Variants in BRD1 observed in about 807,000 individuals in gnomAD.
The protein encoded by BRD1 is bromodomain-containing protein 1.
A neutral mutation model predicts 107.7 loss-of-function variants in BRD1; 24 were observed. The observed-to-expected ratio is 0.22, with a 90% CI of 0.16 to 0.31. The LOEUF (loss-of-function observed/expected upper bound fraction) is 0.31. Ranked by LOEUF, BRD1 falls within the 10% of genes least tolerant of loss-of-function variation. The pLI, the probability that BRD1 is intolerant of heterozygous loss-of-function variation, is 1.00. For missense variants in BRD1, 1,279 were observed against 1,638.6 expected (o/e 0.78, Z 3.79); for synonymous variants, 744 against 686.1 (o/e 1.08, Z -1.32).
At chr22:49,778,432 G>A (rs1191557568) in intron 8 of BRD1, among the ~76,000 whole-genome samples, 3 of 152,216 alleles carry the variant, frequency 2.0e-5, no homozygotes. Flanking sequence ...CCATGAAGCT[G>A]CAAGTACTGT....
At chr22:49,805,941 C>T (rs138857) in intron 2 of BRD1, 48,112 of 151,856 alleles carry the variant, frequency 0.32, 10,113 homozygotes, top group African/African-American at 0.6. Flanking sequence ...AAGGTTTCAC[C>T]GTGCTGGCCA....
chr22:49,788,634 G>C (rs888090712), intron 7 of BRD1, among the ~76,000 whole-genome samples: 3 of 152,198 alleles, frequency 2.0e-5, no homozygotes, highest in Non-Finnish European at 2.9e-5. Context: ...GACGGCCTGG[G>C]GCTGGTCTGT....
At chr22:49,790,257 G>C (rs1016595088) in intron 7 of BRD1, among the ~76,000 whole-genome samples, 1 of 152,158 alleles carries the variant, frequency 6.6e-6, no homozygotes, top group African/African-American at 2.4e-5. Context: ...AACAGGACCT[G>C]AGCCTCCAGG....
chr22:49,777,862 T>G, intron 8 of BRD1, 49 bp from the exon 9 acceptor site: 4 of 1,555,066 alleles, frequency 2.6e-6, no homozygotes, highest in Non-Finnish European at 3.5e-6. Flanking sequence ...CAGGGCACAC[T>G]GAAGCATGAC....
Position 49,777,979 on chromosome 22 carries a change from A to G in BRD1, c.2858-166T>C, listed in dbSNP as rs977656229. ...GTTCCCGAGCATAGTCCTTACAGTA[A>G]GCAGACACCAAAGTTACTCGTTAAA... is the stretch of plus-strand genomic sequence containing the variant. On this transcript the variant is annotated intron_variant, in intron 8 of 12. Transcript: ENST00000404760. 3.9e-5 allele frequency among the ~76,000 whole-genome samples: 6 copies of G among 152,260 alleles called. 1 individual carries two copies. The highest frequency in any genetic ancestry group is 6.3e-3 in the Middle Eastern group (2 of 316).
intron 2 of BRD1, chr22:49,806,979 C>G (rs1057280810): frequency 7.8e-5 from 11 of 141,472 alleles, no homozygotes; most frequent in African/African-American, 2.8e-4. Flanking sequence ...GCCTGAGGAA[C>G]AAGAGCGAGA....
At position 49,798,009 on chromosome 22, in the gene BRD1, C is replaced by T. The variant is rs771056578; in HGVS notation, c.1894G>A (p.Asp632Asn). The T allele has an allele frequency of 7.4e-6, 12 of 1,614,122 alleles. No homozygotes were observed. Among genetic ancestry groups the T allele is most frequent in the Admixed American group, 5.0e-5 (3 of 60,006 alleles). The stretch of plus-strand genomic sequence containing the variant: ...TTCATGCAGTTATCTATAATGAGAT[C>T]AAAATCCTCCTCAAACTCATGGAGG... ...KNLHEFEEDF[D>N]LIIDNCMKYN... The change falls in exon 6 of 13, where the codon GAT becomes AAT. Residue 632 changes from aspartate (D) to asparagine (N), a missense_variant. Asp to Asn is a conservative substitution (Grantham distance 23). Around this residue, in one of 7 missense-constraint regions of BRD1, gnomAD observed 406 missense variants for 519.4 expected, o/e 0.78. Coordinates refer to ENST00000404760, the MANE Select transcript of BRD1 (RefSeq NM_001304808.3).
Position 49,774,005 on chromosome 22 carries a change from G to C in BRD1, c.*228C>G. 2.2e-6 allele frequency: 1 copy of C among 462,836 alleles called. No homozygotes were observed. Among genetic ancestry groups the C allele is most frequent in the Non-Finnish European group, 3.8e-6 (1 of 264,586 alleles). 28.7% of individuals were successfully genotyped at this position (462,836 alleles called of 1,614,324 possible). A position where few individuals can be genotyped will look rare whatever the true frequency, so the allele number is the denominator to read the frequency against. ...GAAAGTGACGCCAGCAGCACGGCCT[G>C]GGGACGTGCGACAGACGCACTGGGC... is the stretch of plus-strand genomic sequence containing the variant. On this transcript the variant is annotated 3_prime_UTR_variant, in exon 13 of 13. Transcript: ENST00000404760.
chr22:49,812,840 G>A (rs1258302400), intron 2 of BRD1, among the ~76,000 whole-genome samples: 1 of 151,468 alleles, frequency 6.6e-6, no homozygotes, highest in Non-Finnish European at 1.5e-5. Flanking sequence ...GACCTCACAC[G>A]CCAGGACCGT....
At chr22:49,775,962 C>T (rs927688332) in intron 11 of BRD1, 88 bp downstream of exon 11, 3 of 1,189,520 alleles carry the variant, frequency 2.5e-6, no homozygotes, top group South Asian at 2.7e-5. Context: ...CTCCTTGGAC[C>T]ACCGCCGTGA....
In BRD1 at chr22:49,784,416, G is replaced by C. The variant is rs137930263; in HGVS notation, c.2857+2974C>G. 3.6e-3 allele frequency among the ~76,000 whole-genome samples: 542 copies of C among 152,306 alleles called. 4 individuals are homozygous for C. The highest frequency in any genetic ancestry group is 0.012 in the African/African-American group (496 of 41,530). ...AGGCCGCTTCAGGTGACGGTTCACT[G>C]CTGGTGAGCGTGCAGTCACGGAGGA... On this transcript the variant is annotated intron_variant, in intron 8 of 12. Transcript: ENST00000404760.
Position 49,822,848 on chromosome 22 carries a change from A to C in BRD1, c.1367+103T>G, listed in dbSNP as rs2060094700. On this transcript the variant is annotated intron_variant, in intron 2 of 12. Transcript: ENST00000404760. ...AATATTAGGAAGCTGCGCCAACTAG[A>C]AACGCAATGACCACACAGCACGGGC... is the stretch of plus-strand genomic sequence containing the variant. The C allele has an allele frequency of 3.7e-6, 5 of 1,369,794 alleles. No individual in the cohort carries two copies. In the South Asian group the frequency reaches 7.0e-5, roughly 19 times the overall value. 84.9% of individuals were successfully genotyped at this position (1,369,794 alleles called of 1,614,324 possible).
chr22:49,777,113 C>T lies in BRD1; in HGVS notation c.3042G>A (p.Arg1014=). ...GCTCACTGCGGTCCTCCAGCGTGTG[C>T]CGTCGCACAAGAGCCGGTTTGCCCC... The part of the protein sequence containing the change: ...CGRGKPALVR[R]HTLEDRSELI... Residue 1014 remains arginine, a synonymous_variant, in exon 10 of 13, where the codon CGG becomes CGA. Transcript: ENST00000404760. The T allele has an allele frequency of 6.2e-7, 1 of 1,613,322 alleles. No homozygotes were observed. The highest frequency in any genetic ancestry group is 8.5e-7 in the Non-Finnish European group (1 of 1,180,006).
In BRD1 at chr22:49,823,980, G is replaced by C. The variant is rs141173800; in HGVS notation, c.338C>G (p.Ser113Trp). 1.2e-6 allele frequency: 2 copies of C among 1,614,008 alleles called. No homozygotes were observed. The highest frequency in any genetic ancestry group is 1.7e-6 in the Non-Finnish European group (2 of 1,180,034). Residue 113 changes from serine (S) to tryptophan (W), a missense_variant, in exon 2 of 13, where the codon TCG (serine) becomes TGG (tryptophan). Physicochemically the swap from Ser to Trp is radical, Grantham distance 177. Coordinates refer to ENST00000404760, the MANE Select transcript of BRD1 (RefSeq NM_001304808.3). ...ALPSAHGTPA[S>W]ASALPEPKVR... ...CTTGGGCTCCGGGAGGGCACTGGCC[G>C]AGGCCGGCGTGCCGTGGGCGCTGGG...
intron 9 of BRD1, 81 bp downstream of exon 9, chr22:49,777,597 T>C: frequency 1.3e-6 from 2 of 1,535,674 alleles, no homozygotes; most frequent in Middle Eastern, 2.3e-4. Context: ...GGAGCTGGAA[T>C]GTCCCGGCTT....
chr22:49,799,002 G>C lies in BRD1; in HGVS notation c.1642C>G (p.Leu548Val). Residue 548 changes from leucine to valine, a missense_variant, in exon 4 of 13, where the codon CTC becomes GTC. By Grantham distance (32) the Leu-to-Val change is conservative. Transcript: ENST00000404760. ...CCCAGCCCCACCTGCTCACGCTTGA[G>C]CTTCTCCCGCTTGCGCAGCAGCTCG... is the stretch of plus-strand genomic sequence containing the variant. ...LIELLRKREK[L>V]KREQVKVEQV... 1.2e-6 allele frequency: 2 copies of C among 1,609,038 alleles called. No homozygotes were observed. The highest frequency in any genetic ancestry group is 1.7e-6 in the Non-Finnish European group (2 of 1,178,822).
At chr22:49,816,250 T>C (rs2147327526) in intron 2 of BRD1, among the ~76,000 whole-genome samples, 3 of 152,118 alleles carry the variant, frequency 2.0e-5, no homozygotes, top group Admixed American at 2.0e-4. Context: ...TTTGGGAGGC[T>C]GAGGACCACT....
chr22:49,793,903 T>C, intron 7 of BRD1, 131 bp downstream of exon 7: 1 of 1,282,326 alleles, frequency 7.8e-7, no homozygotes, highest in Non-Finnish European at 1.1e-6. Flanking sequence ...TTGTGAATTT[T>C]ACGGAACTGG....
In BRD1 at chr22:49,803,843, G is replaced by A. The variant is rs575227766; in HGVS notation, c.1524+361C>T. On this transcript the variant is annotated intron_variant, in intron 3 of 12. Transcript: ENST00000404760. This position sits in a 1 kb window ranked among gnomAD's most constrained non-coding sequence, Gnocchi z 4.4. ...GGTGTGCTCACCGGGTCCCACTCCT[G>A]CTGTCCCCAGCCCGGACGCTCATGC... 4.6e-5 allele frequency among the ~76,000 whole-genome samples: 7 copies of A among 152,218 alleles called. No homozygotes were observed. The East Asian group carries it at 1.4e-3, about 29-fold the overall frequency.
Sources: gnomAD v4.1 joint callset for allele counts (sites outside exome capture counted in the v4.1 genomes callset) on GRCh38, gnomAD v4.1.1 for gene constraint, gnomAD v4.1.1 regional missense constraint, Gnocchi (gnomAD v3.1) non-coding constraint, MANE v1.5 for transcripts, NCBI Gene and HGNC (gene_info 2026-07-23, HGNC 2026-07-21) for gene names.